The following SNX29 variants were observed in gnomAD, a reference collection of about 807,000 sequenced individuals.
The protein encoded by SNX29 is sorting nexin-29.
Under a neutral mutation model 102.1 loss-of-function variants are expected in SNX29, and 78 were observed. The ratio of observed to expected loss-of-function variants is 0.76; its 90% CI spans 0.64 to 0.92. The LOEUF (loss-of-function observed/expected upper bound fraction) is 0.92. SNX29 is among the 40% of genes least tolerant of loss of function. The pLI is 0.00. For missense variants in SNX29, 1,280 were observed against 1,061.7 expected (o/e 1.21, Z -2.86); for synonymous variants, 580 against 414.5 (o/e 1.40, Z -4.85).
At chr16:12,069,341 C>G (rs999303109) in intron 10 of SNX29, among the ~76,000 whole-genome samples, 6 of 152,082 alleles carry the variant, frequency 3.9e-5, no homozygotes, top group African/African-American at 1.4e-4. Flanking sequence ...TCTCGGCTCA[C>G]TGCAAACTCC....
chr16:12,421,368 A>T (rs1217129388), intron 18 of SNX29, among the ~76,000 whole-genome samples: 3 of 152,232 alleles, frequency 2.0e-5, no homozygotes, highest in Non-Finnish European at 4.4e-5. Flanking sequence ...CCAAGGTCTC[A>T]AAGGAGGTTT....
chr16:12,123,679 C>T (rs2054079087), intron 11 of SNX29, among the ~76,000 whole-genome samples: 1 of 152,138 alleles, frequency 6.6e-6, no homozygotes, highest in South Asian at 2.1e-4. Context: ...CTGATTGGCA[C>T]AGTGTCACAG....
intron 19 of SNX29, among the ~76,000 whole-genome samples, chr16:12,508,990 C>G (rs376222213): frequency 1.3e-5 from 2 of 152,296 alleles, no homozygotes; most frequent in African/African-American, 4.8e-5. Context: ...CCATAAGTCC[C>G]TCCGCTCAGT....
intron 20 of SNX29, among the ~76,000 whole-genome samples, chr16:12,532,556 C>T (rs1431056088): frequency 6.6e-6 from 1 of 152,196 alleles, no homozygotes; most frequent in Non-Finnish European, 1.5e-5. Flanking sequence ...TTCCTAAGAA[C>T]TTGCAGGAAT....
chr16:12,200,775 G>A (rs562796591), intron 14 of SNX29, among the ~76,000 whole-genome samples: 11 of 152,228 alleles, frequency 7.2e-5, no homozygotes, highest in African/African-American at 2.4e-4. Flanking sequence ...ATGAGCCACC[G>A]CTCCCAGCCC....
At chr16:12,529,464 G>T (rs1002453008) in intron 20 of SNX29, among the ~76,000 whole-genome samples, 18 of 152,208 alleles carry the variant, frequency 1.2e-4, no homozygotes, top group African/African-American at 4.3e-4. Flanking sequence ...CCGCAAATCG[G>T]TGACAGCTTC....
intron 3 of SNX29, among the ~76,000 whole-genome samples, chr16:12,026,564 C>G (rs917860637): frequency 6.6e-6 from 1 of 152,190 alleles, no homozygotes; most frequent in African/African-American, 2.4e-5. Flanking sequence ...GTTGCTGTGA[C>G]CTCATCTCTT....
At chr16:12,382,320 G>C (rs1013995929) in intron 16 of SNX29, among the ~76,000 whole-genome samples, 2 of 152,172 alleles carry the variant, frequency 1.3e-5, no homozygotes, top group Admixed American at 6.5e-5. Flanking sequence ...TGTGAACCTT[G>C]CTCCGTCGGA....
chr16:12,413,916 C>T (rs1468619878), intron 18 of SNX29, among the ~76,000 whole-genome samples: 2 of 152,226 alleles, frequency 1.3e-5, no homozygotes, highest in Admixed American at 6.5e-5. Context: ...TTCCGGGACC[C>T]CCCATGGACA....
chr16:12,147,850 A>G (rs930952499), intron 13 of SNX29, among the ~76,000 whole-genome samples: 1 of 152,230 alleles, frequency 6.6e-6, no homozygotes, highest in Non-Finnish European at 1.5e-5. Flanking sequence ...GCAGGCGGTG[A>G]CAGTGGCAAT....
chr16:12,181,710 AG>A (rs5815669), intron 13 of SNX29, among the ~76,000 whole-genome samples: 135,534 of 151,298 alleles, frequency 0.9, 62,610 homozygotes, highest in East Asian at 1. Context: ...TTGGTGATTG[AG>A]GGGGGGTCCT....
intron 14 of SNX29, among the ~76,000 whole-genome samples, chr16:12,200,746 A>G (rs2076894111): frequency 6.6e-6 from 1 of 152,204 alleles, no homozygotes; most frequent in African/African-American, 2.4e-5. Context: ...CGGCCTCCCA[A>G]AGAGCTGGGA....
rs146141220 is a variant in SNX29 at position 12,193,426 on chromosome 16, A to G, written c.1596-6175A>G. ...GAAGGTTGTAGTGAGCCGAGATCGC[A>G]CCACTGCACTCCAGCCTGGGCAACA... On this transcript the variant is annotated intron_variant, in intron 13 of 20. Coordinates refer to ENST00000566228, the MANE Select transcript of SNX29 (RefSeq NM_032167.5). Among the ~76,000 whole-genome samples the G allele has an allele frequency of 1.6e-3, 230 of 148,174 alleles. 2 individuals are homozygous for G. The East Asian group carries it at 0.036, about 23-fold the overall frequency.
At chr16:12,293,393 C>T (rs900759275) in intron 15 of SNX29, among the ~76,000 whole-genome samples, 1 of 152,080 alleles carries the variant, frequency 6.6e-6, no homozygotes, top group Non-Finnish European at 1.5e-5. Context: ...CTGATAACAG[C>T]AGTGACTGTG....
intron 8 of SNX29, among the ~76,000 whole-genome samples, chr16:12,059,513 C>T (rs2050680610): frequency 6.6e-6 from 1 of 152,196 alleles, no homozygotes; most frequent in East Asian, 1.9e-4. Context: ...ATCTGTCTTG[C>T]AAAATTCTGC....
chr16:12,496,116 G>A (rs1382062907), intron 19 of SNX29, among the ~76,000 whole-genome samples: 1 of 152,220 alleles, frequency 6.6e-6, no homozygotes, highest in Non-Finnish European at 1.5e-5. Flanking sequence ...CAGCAGACAT[G>A]GAGACGTGGA....
chr16:12,573,580 T>TCC lies in SNX29; in HGVS notation c.*4955_*4956dup, dbSNP rs1033196034. On this transcript the variant is annotated 3_prime_UTR_variant, in exon 21 of 21. Coordinates refer to ENST00000566228, the MANE Select transcript of SNX29 (RefSeq NM_032167.5). Reference sequence around the variant, plus strand: ...AACCGGAAAACCACTCACCCAGGCTTCCCCCACTTCCCCTCAAATTTTCTC... The same window carrying TCC: ...AACCGGAAAACCACTCACCCAGGCTTCCCCCCCACTTCCCCTCAAATTTTCTC... The TCC allele has an allele frequency of 1.3e-5, 3 of 222,704 alleles. No individual in the cohort carries two copies. In the South Asian group the frequency reaches 5.5e-4, roughly 41 times the overall value. The allele number at this position is 222,704 out of a possible 1,614,324, so 13.8% of individuals were successfully genotyped here. A position where few individuals can be genotyped will look rare whatever the true frequency, so the allele number is the denominator to read the frequency against.
At chr16:12,389,367 G>A (rs898086639) in intron 16 of SNX29, among the ~76,000 whole-genome samples, 3 of 152,078 alleles carry the variant, frequency 2.0e-5, no homozygotes, top group South Asian at 2.1e-4. Context: ...TCACGGGGGC[G>A]GTTTCCTCCC....
intron 20 of SNX29, among the ~76,000 whole-genome samples, chr16:12,567,950 A>G (rs554764947): frequency 6.6e-5 from 10 of 152,294 alleles, no homozygotes; most frequent in South Asian, 2.1e-4. Context: ...CAGAACCAGG[A>G]TCAGTGTCCC....
Sources: gnomAD v4.1 joint callset for allele counts (sites outside exome capture counted in the v4.1 genomes callset) on GRCh38, gnomAD v4.1.1 for gene constraint, MANE v1.5 for transcripts, NCBI Gene and HGNC (gene_info 2026-07-23, HGNC 2026-07-21) for gene names.